The following PTPRD variants were observed in gnomAD, a reference collection of about 807,000 sequenced individuals.
PTPRD encodes the protein receptor-type tyrosine-protein phosphatase delta.
A neutral mutation model predicts 214.5 loss-of-function variants in PTPRD; 34 were observed. The ratio of observed to expected loss-of-function variants is 0.16; its 90% CI spans 0.12 to 0.21. PTPRD has a LOEUF of 0.21. Ranked by LOEUF, PTPRD falls within the 10% of genes least tolerant of loss-of-function variation. The pLI is 1.00. For synonymous variants in PTPRD, 1,128 were observed against 845.7 expected, an observed-to-expected ratio of 1.33 and a Z score of -5.79; for missense variants, 2,545 against 2,398.7, an observed-to-expected ratio of 1.06 and a Z score of -1.27.
intron 11 of PTPRD, among the ~76,000 whole-genome samples, chr9:8,918,455 C>G (rs1325891956): frequency 6.6e-6 from 1 of 152,070 alleles, no homozygotes; most frequent in African/African-American, 2.4e-5. Context: ...AAAAAAAATT[C>G]AGCCCTTTCA....
At chr9:10,202,303 C>A (rs956768584) in intron 3 of PTPRD, among the ~76,000 whole-genome samples, 4 of 151,642 alleles carry the variant, frequency 2.6e-5, no homozygotes, top group Non-Finnish European at 5.9e-5. Context: ...AAGCAGGAGC[C>A]CCCCCACAAC....
At chr9:9,774,908 T>C (rs1368366587) in intron 5 of PTPRD, among the ~76,000 whole-genome samples, 1 of 152,210 alleles carries the variant, frequency 6.6e-6, no homozygotes, top group Non-Finnish European at 1.5e-5. Context: ...AAAACAATCA[T>C]AAGCTACAGC....
At chr9:9,322,172 T>C (rs151254304) in intron 9 of PTPRD, among the ~76,000 whole-genome samples, 102 of 152,302 alleles carry the variant, frequency 6.7e-4, no homozygotes, top group African/African-American at 2.1e-3. Context: ...TCTTAAAGTA[T>C]TGTAGCTTAA....
chr9:8,471,738 C>T (rs934682322), intron 30 of PTPRD, among the ~76,000 whole-genome samples: 2 of 151,942 alleles, frequency 1.3e-5, no homozygotes, highest in African/African-American at 4.8e-5. Context: ...GACATCTATA[C>T]GAAAAGACAA....
intron 3 of PTPRD, among the ~76,000 whole-genome samples, chr9:10,330,546 T>G (rs1285224842): frequency 6.6e-6 from 1 of 151,894 alleles, no homozygotes; most frequent in East Asian, 1.9e-4. Context: ...TTTTAAAGTT[T>G]CTTGATGCAT....
At chr9:8,944,198 G>A (rs915527510) in intron 11 of PTPRD, among the ~76,000 whole-genome samples, 1 of 152,076 alleles carries the variant, frequency 6.6e-6, no homozygotes, top group African/African-American at 2.4e-5. Context: ...ACACTACAAT[G>A]AGATATCATC....
intron 9 of PTPRD, among the ~76,000 whole-genome samples, chr9:9,353,541 T>C (rs1369517996): frequency 6.6e-6 from 1 of 151,798 alleles, no homozygotes; most frequent in African/African-American, 2.4e-5. Flanking sequence ...AATGCGGTCA[T>C]TTAATTTTGC....
rs576820766 is a variant in PTPRD at position 8,373,846 on chromosome 9, A to ATGTATGTATGTG, written c.4661+2089_4661+2090insCACATACATACA. 9.1e-4 allele frequency among the ~76,000 whole-genome samples: 103 copies of ATGTATGTATGTG among 113,362 alleles called. 1 individual carries two copies. The highest frequency in any genetic ancestry group is 4.7e-3 in the Middle Eastern group (1 of 212). The allele number at this position is 113,362 out of a possible 152,430, so 74.4% of individuals were successfully genotyped here. On this transcript the variant is annotated intron_variant, in intron 39 of 45. Transcript: ENST00000381196. ...TATGTATGTATGTATGTATGTATGTATGTGTATGTGTCTGTCTGTCTATCT... is the reference window on the plus strand; with the variant it reads ...TATGTATGTATGTATGTATGTATGTATGTATGTATGTGTGTGTATGTGTCTGTCTGTCTATCT...
At chr9:9,921,721 A>G (rs1300356764) in intron 5 of PTPRD, among the ~76,000 whole-genome samples, 1 of 151,514 alleles carries the variant, frequency 6.6e-6, no homozygotes, top group Non-Finnish European at 1.5e-5. Flanking sequence ...AATTATGGGA[A>G]AATAATTTTT....
At chr9:8,347,860 A>C (rs1227278855) in intron 39 of PTPRD, among the ~76,000 whole-genome samples, 2 of 151,948 alleles carry the variant, frequency 1.3e-5, no homozygotes, top group African/African-American at 4.8e-5. Context: ...CCTGAAACCA[A>C]CTCTGCCAGC....
At chr9:8,376,980 G>A (rs1321798541) in intron 37 of PTPRD, among the ~76,000 whole-genome samples, 4 of 152,094 alleles carry the variant, frequency 2.6e-5, no homozygotes, top group Non-Finnish European at 5.9e-5. Flanking sequence ...GTTGCAGATT[G>A]TTGCTGGGTA....
In PTPRD at chr9:9,677,590, T is replaced by C. The variant is rs544906259; in HGVS notation, c.-287+56943A>G. On this transcript the variant is annotated intron_variant, in intron 7 of 45. Coordinates refer to ENST00000381196, the MANE Select transcript of PTPRD (RefSeq NM_002839.4). ...ATCTCAAAATAATAAGAGCTATCTA[T>C]GACAAACCCACAGCCAGTATCATAC... 2.7e-3 allele frequency among the ~76,000 whole-genome samples: 407 copies of C among 152,200 alleles called. 2 individuals carry two copies. The highest frequency in any genetic ancestry group is 9.1e-3 in the African/African-American group (378 of 41,544).
chr9:8,966,247 A>C (rs776973997), intron 11 of PTPRD, among the ~76,000 whole-genome samples: 2 of 152,090 alleles, frequency 1.3e-5, no homozygotes, highest in African/African-American at 2.4e-5. Context: ...ATTGGAAAAA[A>C]ACTGCTAATA....
intron 10 of PTPRD, among the ~76,000 whole-genome samples, chr9:9,154,460 G>GGA (rs141538549): frequency 9.9e-5 from 15 of 151,864 alleles, no homozygotes; most frequent in African/African-American, 3.1e-4. Context: ...CCCAAAACAG[G>GGA]GAGAGAGAGA....
chr9:10,256,324 AC>A (rs1337259127), intron 3 of PTPRD, among the ~76,000 whole-genome samples: 5 of 151,036 alleles, frequency 3.3e-5, no homozygotes, highest in African/African-American at 9.8e-5. Flanking sequence ...GTAATAACAC[AC>A]ATGCAGCTGT....
Position 10,178,334 on chromosome 9 carries a change from G to A in PTPRD, c.-544-144544C>T, listed in dbSNP as rs190876501. Among the ~76,000 whole-genome samples, 10 of 151,802 alleles carry A rather than the reference G, an allele frequency of 6.6e-5. No individual in the cohort carries two copies. In the East Asian group the frequency reaches 1.9e-3, roughly 29 times the overall value. On this transcript the variant is annotated intron_variant, in intron 3 of 45. Coordinates refer to ENST00000381196, the MANE Select transcript of PTPRD (RefSeq NM_002839.4). ...TACCAACATGTCACTGGACCAGACAGTTGATATTGTTAAGGAAATAAAAGA... is the reference window on the plus strand; with the variant it reads ...TACCAACATGTCACTGGACCAGACAATTGATATTGTTAAGGAAATAAAAGA...
At position 8,620,247 on chromosome 9, in the gene PTPRD, T is replaced by C. The variant is rs187356194; in HGVS notation, c.352+13070A>G. Among the ~76,000 whole-genome samples, 53 of 152,138 alleles carry C rather than the reference T, an allele frequency of 3.5e-4. No homozygotes were observed. The South Asian group carries it at 8.1e-3, about 23-fold the overall frequency. ...ATAGAGGTTCTGTATCATTTGCTCA[T>C]TGAGAAAAGAAATCTGAAGATCTTC... On this transcript the variant is annotated intron_variant, in intron 14 of 45. Transcript: ENST00000381196.
chr9:9,117,742 A>G (rs1261169653), intron 10 of PTPRD, among the ~76,000 whole-genome samples: 1 of 152,162 alleles, frequency 6.6e-6, no homozygotes, highest in African/African-American at 2.4e-5. Flanking sequence ...TGCCAAGAAA[A>G]AAAATATTTC....
chr9:8,359,107 CAAAAAAAAAAAAAAACA>C (rs1207891218), intron 39 of PTPRD, among the ~76,000 whole-genome samples: 3 of 9,836 alleles, frequency 3.1e-4, no homozygotes, highest in African/African-American at 1.5e-3. Context: ...GACTCCGTCT[CAAAAAAAAAAAAAAACA>C]AAAAAAAAAA....
Sources: allele counts gnomAD v4.1 joint callset (sites outside exome capture counted in the v4.1 genomes callset), GRCh38; gene constraint gnomAD v4.1.1; transcripts MANE v1.5; gene names NCBI Gene and HGNC (gene_info 2026-07-23, HGNC 2026-07-21).